The following NTRK3 variants were observed in gnomAD, a reference collection of about 807,000 sequenced individuals.
The protein encoded by NTRK3 is NT-3 growth factor receptor.
NTRK3 carries 24 observed loss-of-function variants against 91.7 expected under a neutral mutation model. That is an observed-to-expected ratio of 0.26 (90% CI 0.19 to 0.37). The LOEUF is 0.37. Among genes scored for constraint, NTRK3 ranks in the 10% least tolerant of loss-of-function variants. NTRK3 has a pLI of 1.00. For missense variants in NTRK3, 880 were observed against 1,068.9 expected, an observed-to-expected ratio of 0.82 and a Z score of 2.46; for synonymous variants, 483 against 404.0, an observed-to-expected ratio of 1.20 and a Z score of -2.34.
chr15:88,200,730 T>C (rs139982051), intron 3 of NTRK3, among the ~76,000 whole-genome samples: 1 of 152,188 alleles, frequency 6.6e-6, no homozygotes, highest in South Asian at 2.1e-4. Flanking sequence ...CTTTCCTTTA[T>C]AAATTACCCA....
At chr15:88,047,940 T>C (rs75673550) in intron 13 of NTRK3, among the ~76,000 whole-genome samples, 9,817 of 152,178 alleles carry the variant, frequency 0.065, 359 homozygotes, top group South Asian at 0.13. Context: ...AGTGATGCAA[T>C]ATCACAAGTA....
intron 14 of NTRK3, among the ~76,000 whole-genome samples, chr15:87,942,821 C>A (rs760492490): frequency 6.6e-6 from 1 of 152,178 alleles, no homozygotes; most frequent in Non-Finnish European, 1.5e-5. Context: ...ACCTTTAAGT[C>A]CTCCAAAATG....
At chr15:88,012,779 G>A (rs955160866) in intron 14 of NTRK3, among the ~76,000 whole-genome samples, 3 of 152,192 alleles carry the variant, frequency 2.0e-5, no homozygotes, top group Non-Finnish European at 4.4e-5. Flanking sequence ...ATCTTATACT[G>A]TGCTTCTCAT....
At chr15:88,176,608 G>A (rs914766805) in intron 5 of NTRK3, among the ~76,000 whole-genome samples, 2 of 152,144 alleles carry the variant, frequency 1.3e-5, no homozygotes, top group Non-Finnish European at 2.9e-5. Context: ...CTTACCCATG[G>A]AGATCTTGGT....
chr15:88,192,003 T>G (rs1432721956), intron 3 of NTRK3, among the ~76,000 whole-genome samples: 1 of 152,228 alleles, frequency 6.6e-6, no homozygotes, highest in Non-Finnish European at 1.5e-5. Context: ...TACAAGCAGC[T>G]GTGCGCCAAG....
chr15:87,979,572 G>C, intron 14 of NTRK3: 1 of 733,126 alleles, frequency 1.4e-6, no homozygotes, highest in East Asian at 2.6e-5. Context: ...GAGCTTGAAA[G>C]GGGAAGAACT....
chr15:88,217,336 G>C (rs4887384), intron 3 of NTRK3, among the ~76,000 whole-genome samples: 125,726 of 152,230 alleles, frequency 0.83, 52,634 homozygotes, highest in East Asian at 0.99. Context: ...AATAATCAAA[G>C]GGTTAAAGTA....
chr15:87,963,378 T>C (rs986233809), intron 14 of NTRK3, among the ~76,000 whole-genome samples: 6 of 152,200 alleles, frequency 3.9e-5, no homozygotes, highest in African/African-American at 1.4e-4. Context: ...CAGTGGAGCA[T>C]GACACAGTCA....
chr15:88,242,108 G>T (rs1361360597), intron 3 of NTRK3, among the ~76,000 whole-genome samples: 1 of 152,198 alleles, frequency 6.6e-6, no homozygotes, highest in African/African-American at 2.4e-5. Context: ...TGGACACACT[G>T]ATGCGTGGCT....
intron 14 of NTRK3, among the ~76,000 whole-genome samples, chr15:88,012,222 G>T (rs986407385): frequency 6.6e-6 from 1 of 152,222 alleles, no homozygotes; most frequent in East Asian, 1.9e-4. Flanking sequence ...GATCCTCGAC[G>T]AACTGTGATA....
In NTRK3 at chr15:88,127,865, TATCA is replaced by T. The variant is rs1308428229; in HGVS notation, c.1229-643_1229-640del. 2.0e-5 allele frequency among the ~76,000 whole-genome samples: 3 copies of T among 152,088 alleles called. No homozygotes were observed. In the East Asian group the frequency reaches 5.8e-4, roughly 29 times the overall value. On this transcript the variant is annotated intron_variant, in intron 11 of 18. Coordinates refer to ENST00000394480, the Ensembl canonical transcript of NTRK3. ...AGCAAGGCCAGGATGGGAAGCTAAG[TATCA>T]ATTTTCCCCTCACTCCACCATCTAG...
At chr15:87,912,925 AAAAAAAATAT>A (rs1157832457) in intron 17 of NTRK3, among the ~76,000 whole-genome samples, 3 of 32,882 alleles carry the variant, frequency 9.1e-5, no homozygotes, top group African/African-American at 3.8e-4. Flanking sequence ...TCAAAAAGTA[AAAAAAAATAT>A]ATATATATAT....
At chr15:88,156,947 G>A (rs577089178) in intron 5 of NTRK3, among the ~76,000 whole-genome samples, 1 of 152,230 alleles carries the variant, frequency 6.6e-6, no homozygotes, top group African/African-American at 2.4e-5. Context: ...ACACTGGAAG[G>A]AAGCATTTCT....
intron 10 of NTRK3, 108 bp from the exon 11 acceptor site, chr15:88,128,842 T>C (rs988109582): frequency 3.0e-6 from 3 of 999,928 alleles, no homozygotes; most frequent in African/African-American, 3.2e-5. Context: ...TGATTCCCTG[T>C]TCTCATGGCA....
At chr15:88,146,277 GA>G in intron 6 of NTRK3, among the ~76,000 whole-genome samples, 1 of 152,164 alleles carries the variant, frequency 6.6e-6, no homozygotes. Flanking sequence ...GTAAGGTTTT[GA>G]TGCATCCATG....
intron 14 of NTRK3, among the ~76,000 whole-genome samples, chr15:87,951,650 C>T (rs1260197042): frequency 6.6e-6 from 1 of 152,208 alleles, no homozygotes; most frequent in African/African-American, 2.4e-5. Flanking sequence ...AGTCCTTCCA[C>T]AGAGACTTGG....
Position 88,060,248 on chromosome 15 carries a change from G to A in NTRK3, c.1397-27203C>T, listed in dbSNP as rs145979949. On this transcript the variant is annotated intron_variant, in intron 13 of 18. Transcript: ENST00000394480. The stretch of plus-strand genomic sequence containing the variant: ...AAAATACAAAAATTAGCCAGGCATG[G>A]TGGCAGTTGCCTGTAATCCCAGCTA... 2.5e-3 allele frequency among the ~76,000 whole-genome samples: 374 copies of A among 152,246 alleles called. 2 individuals are homozygous for A. Among genetic ancestry groups the A allele is most frequent in the African/African-American group, 8.6e-3 (359 of 41,550 alleles).
intron 13 of NTRK3, chr15:88,099,235 C>G (rs1597306918): frequency 4.4e-6 from 1 of 228,554 alleles, no homozygotes; most frequent in East Asian, 6.2e-5. Context: ...AAGGAATTCA[C>G]AGAACCAGGG....
At chr15:87,876,784 CT>C in exon 19 of NTRK3, 1 of 755,594 alleles carries the variant, frequency 1.3e-6, no homozygotes. Flanking sequence ...TTTTTTTTTC[CT>C]TTTTTCAGTG....
Sources: allele counts gnomAD v4.1 joint callset (sites outside exome capture counted in the v4.1 genomes callset), GRCh38; gene constraint gnomAD v4.1.1; transcripts MANE v1.5; gene names NCBI Gene and HGNC (gene_info 2026-07-23, HGNC 2026-07-21).